MYH10: variants seen among roughly 807,000 people sequenced by gnomAD.
MYH10 encodes the protein myosin heavy chain 10.
A neutral mutation model predicts 257.8 loss-of-function variants in MYH10; 55 were observed. The ratio of observed to expected loss-of-function variants is 0.21; its 90% CI spans 0.17 to 0.27. The LOEUF is 0.27. Among genes scored for constraint, MYH10 ranks in the 10% least tolerant of loss-of-function variants. The pLI is 1.00. For synonymous variants in MYH10, 854 were observed against 921.7 expected, an observed-to-expected ratio of 0.93 and a Z score of 1.33; for missense variants, 1,631 against 2,500.6, an observed-to-expected ratio of 0.65 and a Z score of 7.42.
intron 11 of MYH10, among the ~76,000 whole-genome samples, chr17:8,547,420 C>T (rs2151954260): frequency 6.6e-6 from 1 of 152,164 alleles, no homozygotes; most frequent in East Asian, 1.9e-4. Flanking sequence ...TCCTGGAAAT[C>T]AACAGCCCTA....
chr17:8,497,522 G>A (rs1387758411), intron 30 of MYH10, among the ~76,000 whole-genome samples: 1 of 151,990 alleles, frequency 6.6e-6, no homozygotes, highest in East Asian at 1.9e-4. Flanking sequence ...GGCAGATCAC[G>A]AGGTCAGGAG....
At chr17:8,488,123 G>T (rs1178586699) in intron 35 of MYH10, among the ~76,000 whole-genome samples, 2 of 152,156 alleles carry the variant, frequency 1.3e-5, no homozygotes, top group Non-Finnish European at 2.9e-5. Flanking sequence ...CAAAATGAAG[G>T]CCTGCTCTGG....
chr17:8,541,336 T>C (rs73248070), intron 14 of MYH10, among the ~76,000 whole-genome samples: 2,677 of 152,378 alleles, frequency 0.018, 73 homozygotes, highest in African/African-American at 0.059. Flanking sequence ...TAGAGCTTCC[T>C]CTACGTTACA....
chr17:8,492,470 C>G lies in MYH10; in HGVS notation c.4498G>C (p.Glu1500Gln), dbSNP rs780139174. Residue 1500 changes from glutamate (E) to glutamine (Q), a missense_variant, in exon 34 of 43, where the codon GAA (glutamate) becomes CAA (glutamine). By Grantham distance (29) the Glu-to-Gln change is conservative. Coordinates refer to ENST00000360416, the MANE Select transcript of MYH10 (RefSeq NM_001256012.3). The part of the protein sequence containing the change: ...EEKSISARYA[E>Q]ERDRAEAEAR... ...TCGGCTTCGGCCCGGTCCCGCTCTT[C>G]GGCATAGCGAGCAGAGATGCTCTTC... is the stretch of plus-strand genomic sequence containing the variant. 6.2e-7 allele frequency: 1 copy of G among 1,612,394 alleles called. No homozygotes were observed. Among genetic ancestry groups the G allele is most frequent in the East Asian group, 2.2e-5 (1 of 44,868 alleles).
chr17:8,555,997 CAA>C (rs2082780336), intron 7 of MYH10, among the ~76,000 whole-genome samples: 1 of 152,136 alleles, frequency 6.6e-6, no homozygotes, highest in African/African-American at 2.4e-5. Flanking sequence ...CACTTCATCA[CAA>C]AAGATATGTG....
At position 8,542,085 on chromosome 17, in the gene MYH10, G is replaced by A. The variant is rs769536097; in HGVS notation, c.1605+22C>T. 3.1e-5 allele frequency: 50 copies of A among 1,588,838 alleles called. No individual in the cohort carries two copies. In the East Asian group the frequency reaches 1.1e-3, roughly 34 times the overall value. ...CTGCTTGAGTGGAAAATGAAAGACAGCGAGCAAGTGAGCACTCTTACAGGT... is the reference window on the plus strand; with the variant it reads ...CTGCTTGAGTGGAAAATGAAAGACAACGAGCAAGTGAGCACTCTTACAGGT... On this transcript the variant is annotated intron_variant, in intron 14 of 42. Coordinates refer to ENST00000360416, the MANE Select transcript of MYH10 (RefSeq NM_001256012.3).
chr17:8,548,799 T>G lies in MYH10; in HGVS notation c.920-12A>C, dbSNP rs763752878. On this transcript the variant is annotated splice_polypyrimidine_tract_variant and intron_variant, in intron 9 of 42. Transcript: ENST00000360416. Reference sequence around the variant, plus strand: ...AAGAAGCAAATCAGCTAAAAGGAAATATAATGGAAGAAAATTTGATAAATA... The same window carrying G: ...AAGAAGCAAATCAGCTAAAAGGAAAGATAATGGAAGAAAATTTGATAAATA... 7.5e-6 allele frequency: 12 copies of G among 1,602,172 alleles called. No homozygotes were observed. The highest frequency in any genetic ancestry group is 1.0e-5 in the Non-Finnish European group (12 of 1,170,072).
intron 25 of MYH10, 94 bp downstream of exon 25, chr17:8,509,718 C>A: frequency 8.3e-7 from 1 of 1,205,612 alleles, no homozygotes; most frequent in Non-Finnish European, 1.1e-6. Context: ...TGAGAAATTT[C>A]TGTTTGAGTT....
rs548014674 is a variant in MYH10 at position 8,585,902 on chromosome 17, G to T, written c.530+3179C>A. 1.3e-3 allele frequency among the ~76,000 whole-genome samples: 193 copies of T among 152,328 alleles called. 1 individual carries two copies. The highest frequency in any genetic ancestry group is 4.4e-3 in the African/African-American group (185 of 41,576). On this transcript the variant is annotated intron_variant, in intron 4 of 42. Transcript: ENST00000360416. ...TATGCTTAAGTACTTAGGGGACAGT[G>T]TACTGATGTCTATCTACAATTGAAC... is the stretch of plus-strand genomic sequence containing the variant.
At chr17:8,571,558 G>A (rs1430976700) in intron 6 of MYH10, among the ~76,000 whole-genome samples, 2 of 151,994 alleles carry the variant, frequency 1.3e-5, no homozygotes, top group Middle Eastern at 3.4e-3. Flanking sequence ...CAAGGCAGGC[G>A]GATCATGAAG....
intron 6 of MYH10, among the ~76,000 whole-genome samples, chr17:8,572,257 T>TGA (rs761733404): frequency 1.0e-5 from 1 of 97,016 alleles, no homozygotes; most frequent in African/African-American, 3.8e-5. Context: ...TGTGTGTGTG[T>TGA]GAGTGAGAGA....
chr17:8,611,129 T>C (rs911530101), intron 2 of MYH10, among the ~76,000 whole-genome samples: 3 of 152,212 alleles, frequency 2.0e-5, no homozygotes, highest in Admixed American at 2.0e-4. Flanking sequence ...AAGAGGTTGG[T>C]GTGGCGGTGG....
intron 7 of MYH10, chr17:8,560,634 C>A (rs138764816): frequency 2.4e-5 from 21 of 885,368 alleles, no homozygotes; most frequent in Non-Finnish European, 1.4e-5. Flanking sequence ...CCTGCTTTCA[C>A]AGAATTATTC....
intron 4 of MYH10, among the ~76,000 whole-genome samples, chr17:8,588,027 C>T (rs1210047871): frequency 6.6e-6 from 1 of 151,968 alleles, no homozygotes; most frequent in Non-Finnish European, 1.5e-5. Context: ...CTCCCTCTGT[C>T]CCGAAATGCC....
At chr17:8,516,404 G>T (rs1326531002) in intron 21 of MYH10, among the ~76,000 whole-genome samples, 2 of 152,052 alleles carry the variant, frequency 1.3e-5, no homozygotes, top group African/African-American at 4.8e-5. Flanking sequence ...TTTTTTTGAT[G>T]TATCCTGATT....
chr17:8,499,174 C>T, intron 30 of MYH10, 96 bp downstream of exon 30: 1 of 1,237,154 alleles, frequency 8.1e-7, no homozygotes, highest in Non-Finnish European at 1.1e-6. Context: ...TCGCACAGCA[C>T]ATTGGCCATG....
chr17:8,619,517 A>G (rs2085387102), intron 2 of MYH10, among the ~76,000 whole-genome samples: 1 of 152,218 alleles, frequency 6.6e-6, no homozygotes, highest in Non-Finnish European at 1.5e-5. Flanking sequence ...CTACTGAGTT[A>G]CATCAACGTA....
intron 16 of MYH10, among the ~76,000 whole-genome samples, chr17:8,534,096 T>C (rs1476924812): frequency 6.6e-6 from 1 of 152,186 alleles, no homozygotes; most frequent in African/African-American, 2.4e-5. Context: ...TAACACTGCC[T>C]GTTGACAAGG....
intron 4 of MYH10, among the ~76,000 whole-genome samples, chr17:8,586,694 A>G (rs1000322912): frequency 2.6e-5 from 4 of 152,182 alleles, no homozygotes; most frequent in Non-Finnish European, 5.9e-5. Context: ...TCGATCATCT[A>G]ATCATAAGTG....
Sources: allele counts gnomAD v4.1 joint callset (sites outside exome capture counted in the v4.1 genomes callset), GRCh38; gene constraint gnomAD v4.1.1; transcripts MANE v1.5; gene names NCBI Gene and HGNC (gene_info 2026-07-23, HGNC 2026-07-21).